The following DNAH3 variants were observed in gnomAD, a reference collection of about 807,000 sequenced individuals.
DNAH3 encodes dynein axonemal heavy chain 3.
A neutral mutation model predicts 432.5 loss-of-function variants in DNAH3; 332 were observed. The ratio of observed to expected loss-of-function variants is 0.77; its 90% CI spans 0.70 to 0.84. DNAH3 has a LOEUF of 0.84. Among genes scored for constraint, DNAH3 ranks in the 40% least tolerant of loss-of-function variants. The pLI is 0.00. For missense variants in DNAH3, 4,861 were observed against 5,114.0 expected (o/e 0.95, Z 1.51); for synonymous variants, 1,956 against 1,900.2 (o/e 1.03, Z -0.76).
At chr16:21,072,241 AT>A in intron 21 of DNAH3, among the ~76,000 whole-genome samples, 1 of 150,616 alleles carries the variant, frequency 6.6e-6, no homozygotes, top group Non-Finnish European at 1.5e-5. Context: ...TAATTAATTA[AT>A]TTTAATTTTA....
chr16:21,067,910 G>A (rs2090630205), intron 23 of DNAH3, among the ~76,000 whole-genome samples: 1 of 152,000 alleles, frequency 6.6e-6, no homozygotes, highest in Admixed American at 6.6e-5. Context: ...AGGCTTGGCT[G>A]TGCTATTTGG....
At chr16:20,997,929 C>A (rs1175798473) in intron 43 of DNAH3, among the ~76,000 whole-genome samples, 1 of 151,880 alleles carries the variant, frequency 6.6e-6, no homozygotes, top group East Asian at 1.9e-4. Flanking sequence ...ATTGTTTGAG[C>A]CTCGGAGGCA....
chr16:20,969,245 C>T (rs2085212513), intron 52 of DNAH3, among the ~76,000 whole-genome samples: 1 of 150,672 alleles, frequency 6.6e-6, no homozygotes, highest in Non-Finnish European at 1.5e-5. Flanking sequence ...TCTGTGTGTG[C>T]ATGTATGTCT....
At chr16:21,052,610 A>T (rs916023656) in intron 28 of DNAH3, among the ~76,000 whole-genome samples, 58 of 152,254 alleles carry the variant, frequency 3.8e-4, no homozygotes, top group African/African-American at 1.3e-3. Flanking sequence ...GATTAAATGA[A>T]TATATAGGTA....
intron 14 of DNAH3, among the ~76,000 whole-genome samples, chr16:21,111,115 G>A (rs567250515): frequency 2.0e-5 from 3 of 152,262 alleles, no homozygotes; most frequent in Non-Finnish European, 4.4e-5. Flanking sequence ...CCAGGAGTTC[G>A]AGGCTACAAT....
At chr16:20,958,675 T>C (rs1027671688) in intron 54 of DNAH3, among the ~76,000 whole-genome samples, 4 of 152,194 alleles carry the variant, frequency 2.6e-5, no homozygotes, top group Non-Finnish European at 5.9e-5. Flanking sequence ...ATCCCTTCTC[T>C]GTATTCCATG....
exon 53 of DNAH3, chr16:20,964,274 G>C: frequency 2.5e-6 from 4 of 1,614,198 alleles, no homozygotes; most frequent in South Asian, 1.1e-5. Context: ...CCAAGGAGTT[G>C]ATCTTGGAGA....
intron 42 of DNAH3, among the ~76,000 whole-genome samples, chr16:21,001,215 G>T (rs1239666403): frequency 6.6e-6 from 1 of 152,182 alleles, no homozygotes; most frequent in Non-Finnish European, 1.5e-5. Flanking sequence ...TCTTAAGGCC[G>T]GGTCTCGGGC....
At chr16:20,969,879 G>C in exon 52 of DNAH3, 1 of 1,614,156 alleles carries the variant, frequency 6.2e-7, no homozygotes, top group South Asian at 1.1e-5. Context: ...GGGCCTGGTG[G>C]GTTCTGCATC....
At chr16:21,146,276 C>T (rs193204001) in intron 1 of DNAH3, among the ~76,000 whole-genome samples, 188 bp from the exon 3 acceptor site, 6 of 152,270 alleles carry the variant, frequency 3.9e-5, no homozygotes, top group Admixed American at 3.3e-4. Context: ...CAGATAAGGG[C>T]TGGGTGCGGT....
chr16:20,949,558 G>A (rs2084218387), intron 56 of DNAH3, among the ~76,000 whole-genome samples: 1 of 152,120 alleles, frequency 6.6e-6, no homozygotes, highest in South Asian at 2.1e-4. Flanking sequence ...GGTAAAATCC[G>A]CAGTTTCAGG....
At chr16:21,101,600 G>T (rs1308928040) in intron 16 of DNAH3, among the ~76,000 whole-genome samples, 1 of 152,208 alleles carries the variant, frequency 6.6e-6, no homozygotes, top group Non-Finnish European at 1.5e-5. Context: ...ATTACTTGCA[G>T]GGGTGAGATA....
intron 49 of DNAH3, among the ~76,000 whole-genome samples, chr16:20,981,710 G>A (rs1234396506): frequency 6.6e-6 from 1 of 152,032 alleles, no homozygotes; most frequent in Non-Finnish European, 1.5e-5. Context: ...GGGCGACAGA[G>A]TGAGACTCCA....
In DNAH3 at chr16:21,085,407, G is replaced by A. The variant is rs111845270; in HGVS notation, c.2877+1442C>T. Among the ~76,000 whole-genome samples the A allele has an allele frequency of 1.7e-3, 264 of 151,440 alleles. 1 individual carries two copies. The highest frequency in any genetic ancestry group is 5.3e-3 in the African/African-American group (218 of 41,252). On this transcript the variant is annotated intron_variant, in intron 19 of 61. Transcript: ENST00000261383. ...AAAAATACAAAAATTAGCAGGGCAT[G>A]GTGGCACGTGCCTGCAATCCCAGCT...
chr16:21,010,380 A>C (rs1320926071), intron 41 of DNAH3, among the ~76,000 whole-genome samples: 1 of 152,132 alleles, frequency 6.6e-6, no homozygotes, highest in Non-Finnish European at 1.5e-5. Context: ...TGGGAAAATG[A>C]GGTAAACTTT....
intron 23 of DNAH3, among the ~76,000 whole-genome samples, chr16:21,067,760 G>GC (rs1207093654): frequency 6.1e-5 from 3 of 49,548 alleles, no homozygotes; most frequent in Non-Finnish European, 1.2e-4. Context: ...CCAGTCTTGG[G>GC]GGGGGGGGTG....
At chr16:21,145,501 GC>G in intron 2 of DNAH3, 95 bp from the exon 4 acceptor site, 1 of 1,084,604 alleles carries the variant, frequency 9.2e-7, no homozygotes, top group South Asian at 1.4e-5. Flanking sequence ...AGTTCCAAGT[GC>G]CTTATGCTAT....
chr16:21,144,305 A>T (rs527534925), intron 3 of DNAH3, among the ~76,000 whole-genome samples: 1 of 152,214 alleles, frequency 6.6e-6, no homozygotes, highest in Non-Finnish European at 1.5e-5. Context: ...AAAAAAGCCT[A>T]TGGGTTCTCT....
intron 54 of DNAH3, among the ~76,000 whole-genome samples, chr16:20,957,479 G>C (rs921946598): frequency 2.0e-5 from 3 of 152,058 alleles, no homozygotes; most frequent in Admixed American, 6.6e-5. Context: ...GGGTGCATTT[G>C]GCTATCGGGC....
Sources: allele counts gnomAD v4.1 joint callset (sites outside exome capture counted in the v4.1 genomes callset), GRCh38; gene constraint gnomAD v4.1.1; transcripts MANE v1.5; gene names NCBI Gene and HGNC (gene_info 2026-07-23, HGNC 2026-07-21).